The following SCN9A variants were observed in gnomAD, a reference collection of about 807,000 sequenced individuals.
SCN9A encodes sodium voltage-gated channel alpha subunit 9, also known as sodium channel protein type 9 subunit alpha.
In SCN9A, 131 loss-of-function variants were observed where a neutral mutation model predicts 187.0. The observed-to-expected ratio is 0.70, with a 90% CI of 0.61 to 0.81. The LOEUF (loss-of-function observed/expected upper bound fraction) is 0.81, where lower values mean the gene tolerates loss of function less well. SCN9A is among the 30% of genes least tolerant of loss of function. The pLI is 0.00. For synonymous variants in SCN9A, 809 were observed against 808.6 expected, an observed-to-expected ratio of 1.00 and a Z score of -0.01; for missense variants, 2,252 against 2,396.6, an observed-to-expected ratio of 0.94 and a Z score of 1.26.
chr2:166,278,180 G>T lies in SCN9A; in HGVS notation c.2477C>A (p.Ala826Glu). 1 of 1,613,004 alleles carries T rather than the reference G, an allele frequency of 6.2e-7. No homozygotes were observed. The highest frequency in any genetic ancestry group is 8.5e-7 in the Non-Finnish European group (1 of 1,179,566). Residue 826 changes from alanine to glutamate, a missense_variant, in exon 15 of 27, where the codon GCA becomes GAA. Physicochemically the swap from Ala to Glu is moderately radical, Grantham distance 107. Coordinates refer to ENST00000642356, the MANE Select transcript of SCN9A (RefSeq NM_001365536.1). Reference protein sequence around the residue: ...VTLSLVELFLADVEGLSVLRS... With the variant: ...VTLSLVELFLEDVEGLSVLRS... ...CAGAACTGACAATCCTTCCACATCTGCTAGAAAGAGCTCCACTAAACTTAA... is the reference window on the plus strand; with the variant it reads ...CAGAACTGACAATCCTTCCACATCTTCTAGAAAGAGCTCCACTAAACTTAA...
Position 166,340,598 on chromosome 2 carries a change from CTTTCTT to C in SCN9A, c.-50-28798_-50-28793del, listed in dbSNP as rs1250684837. Among the ~76,000 whole-genome samples, 193 of 53,012 alleles carry C rather than the reference CTTTCTT, an allele frequency of 3.6e-3. 2 individuals carry two copies. Among genetic ancestry groups the C allele is most frequent in the African/African-American group, 0.021 (144 of 6,754 alleles). The allele number at this position is 53,012 out of a possible 152,430, so 34.8% of individuals were successfully genotyped here. A position where few individuals can be genotyped will look rare whatever the true frequency, so the allele number is the denominator to read the frequency against. ...TCTTTCTTTCTTTCTTTCTTTCTTT[CTTTCTT>C]TTTCTTTCTTTCTTTCCTTTCTCTT... On this transcript the variant is annotated intron_variant, in intron 1 of 26. Transcript: ENST00000642356.
intron 17 of SCN9A, among the ~76,000 whole-genome samples, chr2:166,268,699 C>T (rs895442040): frequency 1.3e-5 from 2 of 151,766 alleles, no homozygotes; most frequent in Non-Finnish European, 2.9e-5. Context: ...TATAGTTGAC[C>T]ACAGCTTAAT....
At chr2:166,208,542 G>C (rs199805785) in intron 24 of SCN9A, among the ~76,000 whole-genome samples, 1 of 151,648 alleles carries the variant, frequency 6.6e-6, no homozygotes. Flanking sequence ...TTATATATTT[G>C]TATATCATGT....
intron 19 of SCN9A, among the ~76,000 whole-genome samples, chr2:166,242,281 G>A (rs1367702956): frequency 6.6e-6 from 1 of 150,874 alleles, no homozygotes; most frequent in Non-Finnish European, 1.5e-5. Context: ...TAGCCATCTG[G>A]GTGGTCCTTT....
intron 5 of SCN9A, among the ~76,000 whole-genome samples, chr2:166,305,433 T>C (rs1698722252): frequency 6.6e-6 from 1 of 152,094 alleles, no homozygotes; most frequent in South Asian, 2.1e-4. Context: ...AAGAGCACTG[T>C]ACTTGTATTT....
At position 166,278,248 on chromosome 2, in the gene SCN9A, A is replaced by G. The variant is rs142219317; in HGVS notation, c.2409T>C (p.Tyr803=). 1.6e-4 allele frequency: 258 copies of G among 1,612,880 alleles called. 1 individual carries two copies. In the African/African-American group the frequency reaches 3.3e-3, roughly 21 times the overall value. Residue 803 remains tyrosine (Y), a synonymous_variant, in exon 15 of 27, where the codon TAT becomes TAC. Transcript: ENST00000642356. ...LKLIAMDPYE[Y]FQVGWNIFDS... is the part of the protein sequence containing the mutation. The stretch of plus-strand genomic sequence containing the variant: ...CAAAAATATTCCAGCCTACTTGGAA[A>G]TACTCATATGGATCCATGGCAATCA...
intron 1 of SCN9A, among the ~76,000 whole-genome samples, chr2:166,368,630 C>T (rs894233893): frequency 6.8e-6 from 1 of 146,972 alleles, no homozygotes; most frequent in Non-Finnish European, 1.5e-5. Context: ...GAAACCGGCA[C>T]ACCTTTACCT....
chr2:166,276,927 C>A, intron 16 of SCN9A, 56 bp downstream of exon 16: 2 of 1,421,834 alleles, frequency 1.4e-6, no homozygotes, highest in Non-Finnish European at 1.9e-6. Context: ...TAGATCACAT[C>A]ATCACAAAAT....
chr2:166,296,011 T>C (rs1698286759), intron 7 of SCN9A: 1 of 152,228 alleles, frequency 6.6e-6, no homozygotes, highest in South Asian at 2.1e-4. Flanking sequence ...CCTGACTTCC[T>C]ATTTTACTCA....
At chr2:166,275,721 TTTA>T (rs1294572784) in intron 16 of SCN9A, among the ~76,000 whole-genome samples, 2 of 152,184 alleles carry the variant, frequency 1.3e-5, no homozygotes, top group Admixed American at 6.5e-5. Context: ...AGGAAGCTTA[TTTA>T]TTACTACAAC....
intron 1 of SCN9A, among the ~76,000 whole-genome samples, chr2:166,368,577 G>A (rs1251929608): frequency 6.6e-6 from 1 of 151,606 alleles, no homozygotes; most frequent in Non-Finnish European, 1.5e-5. Context: ...AGGTTGCAGC[G>A]AGCCAACATC....
chr2:166,272,906 A>T, intron 16 of SCN9A, 31 bp from the exon 17 acceptor site: 1 of 966,870 alleles, frequency 1.0e-6, no homozygotes, highest in Non-Finnish European at 1.5e-6. Flanking sequence ...GGGGTAGAGA[A>T]ATAGGGAGAC....
chr2:166,219,790 TA>T (rs1199752571), intron 24 of SCN9A, among the ~76,000 whole-genome samples: 4 of 152,166 alleles, frequency 2.6e-5, no homozygotes, highest in Non-Finnish European at 5.9e-5. Flanking sequence ...TCAAAATTGC[TA>T]AAAGAATAGC....
chr2:166,233,216 CAT>C (rs1695173384), intron 21 of SCN9A, 122 bp downstream of exon 21: 13 of 588,552 alleles, frequency 2.2e-5, no homozygotes, highest in African/African-American at 4.2e-5. Flanking sequence ...TGTACACACA[CAT>C]ACATAAACAG....
At chr2:166,220,695 C>T (rs1272407171) in intron 24 of SCN9A, among the ~76,000 whole-genome samples, 5 of 152,230 alleles carry the variant, frequency 3.3e-5, no homozygotes, top group Non-Finnish European at 5.9e-5. Context: ...ACTTGAAAAT[C>T]CCACAGCTAA....
chr2:166,214,611 T>G (rs1694249576), intron 24 of SCN9A, among the ~76,000 whole-genome samples: 1 of 133,618 alleles, frequency 7.5e-6, no homozygotes, highest in Non-Finnish European at 1.6e-5. Flanking sequence ...GCCTCCCGGG[T>G]TCATGCCATT....
At chr2:166,316,618 CA>C (rs754490813) in intron 1 of SCN9A, among the ~76,000 whole-genome samples, 7 of 152,212 alleles carry the variant, frequency 4.6e-5, no homozygotes, top group Non-Finnish European at 8.8e-5. Flanking sequence ...GGCGTGAACC[CA>C]GGAGGCGGAG....
chr2:166,297,020 A>T (rs1268458349), intron 7 of SCN9A, among the ~76,000 whole-genome samples: 1 of 150,766 alleles, frequency 6.6e-6, no homozygotes, highest in Admixed American at 6.6e-5. Flanking sequence ...ACACAATGAA[A>T]CCCCGTCTCT....
chr2:166,370,838 G>A (rs1444682623), intron 1 of SCN9A, among the ~76,000 whole-genome samples: 1 of 151,806 alleles, frequency 6.6e-6, no homozygotes, highest in Non-Finnish European at 1.5e-5. Context: ...AAAGAAAAAG[G>A]GCATTCATTG....
Sources: allele counts gnomAD v4.1 joint callset (sites outside exome capture counted in the v4.1 genomes callset), GRCh38; gene constraint gnomAD v4.1.1; transcripts MANE v1.5; gene names NCBI Gene and HGNC (gene_info 2026-07-23, HGNC 2026-07-21).